GRM8: variants seen among roughly 807,000 people sequenced by gnomAD.
The protein encoded by GRM8 is metabotropic glutamate receptor 8.
A neutral mutation model predicts 87.2 loss-of-function variants in GRM8; 47 were observed. The observed-to-expected ratio is 0.54, with a 90% CI of 0.43 to 0.69. The LOEUF is 0.69. Ranked by LOEUF, GRM8 falls within the 30% of genes least tolerant of loss-of-function variation. The pLI is 0.00. For synonymous variants in GRM8, 396 were observed against 404.5 expected, an observed-to-expected ratio of 0.98 and a Z score of 0.25; for missense variants, 1,019 against 1,139.2, an observed-to-expected ratio of 0.89 and a Z score of 1.52.
chr7:126,722,995 TTA>T (rs925916115), intron 7 of GRM8, among the ~76,000 whole-genome samples: 35 of 143,244 alleles, frequency 2.4e-4, no homozygotes, highest in Admixed American at 4.2e-4. Context: ...TATATATAAT[TTA>T]TATATATAAT....
chr7:127,243,369 T>C lies in GRM8; in HGVS notation c.-165A>G, dbSNP rs1052790505. The C allele has an allele frequency of 1.5e-5, 9 of 615,706 alleles. No individual in the cohort carries two copies. The African/African-American group carries it at 1.7e-4, about 11-fold the overall frequency. The allele number at this position is 615,706 out of a possible 1,614,324, so 38.1% of individuals were successfully genotyped here. The stretch of plus-strand genomic sequence containing the variant: ...TCTTGATTTGAATGTCACAGTGAAT[T>C]TCCATCAGACCCCTAAGGTTCAATT... On this transcript the variant is annotated 5_prime_UTR_variant, in exon 2 of 11. Transcript: ENST00000339582.
chr7:126,928,738 A>G (rs1363574638), intron 3 of GRM8, among the ~76,000 whole-genome samples: 2 of 152,130 alleles, frequency 1.3e-5, no homozygotes, highest in African/African-American at 2.4e-5. Flanking sequence ...TACATAAAAT[A>G]GTTCATCTTG....
At chr7:127,212,727 T>C (rs1280088061) in intron 2 of GRM8, among the ~76,000 whole-genome samples, 2 of 152,212 alleles carry the variant, frequency 1.3e-5, no homozygotes, top group African/African-American at 4.8e-5. Flanking sequence ...GACATGGTGT[T>C]ATTTTTTAAC....
chr7:127,087,594 A>G (rs1293676593), intron 3 of GRM8, among the ~76,000 whole-genome samples: 1 of 152,222 alleles, frequency 6.6e-6, no homozygotes. Flanking sequence ...GCCAGGAACT[A>G]TGGGAAGAGA....
At chr7:127,233,774 C>T (rs1206186135) in intron 2 of GRM8, among the ~76,000 whole-genome samples, 2 of 152,178 alleles carry the variant, frequency 1.3e-5, no homozygotes, top group South Asian at 2.1e-4. Flanking sequence ...ATTGAGAACA[C>T]ATGTCTATTA....
At chr7:126,991,095 C>A (rs1387262026) in intron 3 of GRM8, among the ~76,000 whole-genome samples, 2 of 151,908 alleles carry the variant, frequency 1.3e-5, no homozygotes, top group Non-Finnish European at 2.9e-5. Flanking sequence ...TTATATTATT[C>A]TAATTATTGT....
At chr7:126,665,926 T>A (rs1172638053) in intron 7 of GRM8, among the ~76,000 whole-genome samples, 2 of 152,116 alleles carry the variant, frequency 1.3e-5, no homozygotes, top group African/African-American at 4.8e-5. Context: ...ATTTTTGTGA[T>A]GACTTTGAAA....
chr7:126,510,648 G>GCT (rs1562900128), intron 9 of GRM8, among the ~76,000 whole-genome samples: 1 of 152,210 alleles, frequency 6.6e-6, no homozygotes. Context: ...ATTTTTTATG[G>GCT]CCAACTATGT....
chr7:126,478,502 TAA>T (rs1277391378), intron 9 of GRM8, among the ~76,000 whole-genome samples: 1 of 152,086 alleles, frequency 6.6e-6, no homozygotes, highest in Non-Finnish European at 1.5e-5. Flanking sequence ...AATTAATACC[TAA>T]CAGTAAATAA....
intron 6 of GRM8, among the ~76,000 whole-genome samples, chr7:126,832,852 G>A (rs1226009066): frequency 6.6e-6 from 1 of 152,208 alleles, no homozygotes; most frequent in Non-Finnish European, 1.5e-5. Context: ...ATGTTGAATA[G>A]CTGTATTACA....
intron 6 of GRM8, among the ~76,000 whole-genome samples, chr7:126,863,339 C>G (rs1040913080): frequency 1.3e-5 from 2 of 152,072 alleles, no homozygotes; most frequent in Non-Finnish European, 2.9e-5. Context: ...TTGCAGTCAT[C>G]TAGAGTAATA....
intron 6 of GRM8, among the ~76,000 whole-genome samples, chr7:126,788,420 A>ACAAAAAAAAACAAAAAAAAAAAAAAC (rs1554492200): frequency 1.2e-5 from 1 of 81,138 alleles, no homozygotes; most frequent in African/African-American, 4.6e-5. Flanking sequence ...AAAAAAAAAA[A>ACAAAAAAAAACAAAAAAAAAAAAAAC]AAACCCTTTC....
In GRM8 at chr7:126,533,176, C is replaced by T; in HGVS notation, c.2206G>A (p.Ala736Thr). Residue 736 changes from alanine (A) to threonine (T), a missense_variant, in exon 9 of 11, where the codon GCC becomes ACC. Physicochemically the swap from Ala to Thr is moderately conservative, Grantham distance 58. Coordinates refer to ENST00000339582, the MANE Select transcript of GRM8 (RefSeq NM_000845.3). ...GEQRTLDPEK[A>T]RGVLKCDISD... Reference sequence around the variant, plus strand: ...ATGTCACACTTGAGCACTCCCCTGGCCTTCTCTGGATCTAGTGTCCGCTGC... The same window carrying T: ...ATGTCACACTTGAGCACTCCCCTGGTCTTCTCTGGATCTAGTGTCCGCTGC... The T allele has an allele frequency of 6.2e-7, 1 of 1,612,726 alleles. No homozygotes were observed. The highest frequency in any genetic ancestry group is 1.1e-5 in the South Asian group (1 of 90,936).
chr7:126,477,003 G>A (rs1169314831), intron 9 of GRM8, among the ~76,000 whole-genome samples: 1 of 152,058 alleles, frequency 6.6e-6, no homozygotes, highest in South Asian at 2.1e-4. Flanking sequence ...CTGTCAGCAG[G>A]AAATGAATTT....
intron 6 of GRM8, among the ~76,000 whole-genome samples, chr7:126,773,660 A>C (rs1002044131): frequency 6.6e-6 from 1 of 152,138 alleles, no homozygotes; most frequent in Non-Finnish European, 1.5e-5. Context: ...ATTATAATCG[A>C]CATGCTCCAA....
intron 7 of GRM8, among the ~76,000 whole-genome samples, chr7:126,747,120 T>C (rs2299510): frequency 0.39 from 58,944 of 151,494 alleles, 12,624 homozygotes; most frequent in Non-Finnish European, 0.48. Flanking sequence ...ACATAACATA[T>C]ATTCAGTACC....
intron 7 of GRM8, among the ~76,000 whole-genome samples, chr7:126,706,679 TCAC>T (rs1410387560): frequency 2.0e-5 from 3 of 152,174 alleles, no homozygotes; most frequent in South Asian, 2.1e-4. Flanking sequence ...CATAAAATGA[TCAC>T]CACATTAGGT....
At chr7:127,023,180 G>A (rs1012271015) in intron 3 of GRM8, among the ~76,000 whole-genome samples, 4 of 151,882 alleles carry the variant, frequency 2.6e-5, no homozygotes, top group Non-Finnish European at 5.9e-5. Flanking sequence ...TATCACAGGT[G>A]TTTTTTCTTT....
intron 9 of GRM8, among the ~76,000 whole-genome samples, chr7:126,504,112 G>C (rs1224754538): frequency 1.3e-5 from 2 of 151,858 alleles, no homozygotes; most frequent in African/African-American, 4.8e-5. Flanking sequence ...CATGGAGTTT[G>C]GTTTGATAAT....
Sources: gnomAD v4.1 joint callset for allele counts (sites outside exome capture counted in the v4.1 genomes callset) on GRCh38, gnomAD v4.1.1 for gene constraint, MANE v1.5 for transcripts, NCBI Gene and HGNC (gene_info 2026-07-23, HGNC 2026-07-21) for gene names.